PGM5: variants seen among roughly 807,000 people sequenced by gnomAD.
The protein encoded by PGM5 is phosphoglucomutase 5.
In PGM5, 23 loss-of-function variants were observed where a neutral mutation model predicts 59.2. The ratio of observed to expected loss-of-function variants is 0.39; its 90% confidence interval spans 0.28 to 0.55. The LOEUF (loss-of-function observed/expected upper bound fraction) is 0.55. Ranked by LOEUF, PGM5 falls within the 20% of genes least tolerant of loss-of-function variation. PGM5 has a pLI of 0.66. For missense variants in PGM5, 574 were observed against 748.3 expected (o/e 0.77, Z 2.72); for synonymous variants, 214 against 286.0 (o/e 0.75, Z 2.54).
chr9:68,378,596 C>T (rs1433351502), intron 2 of PGM5, among the ~76,000 whole-genome samples: 2 of 152,002 alleles, frequency 1.3e-5, no homozygotes, highest in African/African-American at 4.8e-5. Flanking sequence ...ATAGTTGATG[C>T]TTATCTGATA....
At chr9:68,408,449 A>T (rs1202612580) in intron 6 of PGM5, among the ~76,000 whole-genome samples, 6 of 152,094 alleles carry the variant, frequency 3.9e-5, no homozygotes, top group African/African-American at 1.4e-4. Context: ...AATTTGTTTG[A>T]GTTCATTGTA....
chr9:68,442,592 T>A (rs1823547004), intron 6 of PGM5, among the ~76,000 whole-genome samples: 1 of 152,220 alleles, frequency 6.6e-6, no homozygotes, highest in African/African-American at 2.4e-5. Flanking sequence ...GCAGAGATAA[T>A]GAAGCAGAAT....
At chr9:68,361,685 AG>A (rs1465931571) in intron 1 of PGM5, among the ~76,000 whole-genome samples, 1 of 152,176 alleles carries the variant, frequency 6.6e-6, no homozygotes, top group Non-Finnish European at 1.5e-5. Flanking sequence ...TCCAATCATG[AG>A]GGCTCTGTCC....
At chr9:68,465,056 AT>A (rs1210222237) in intron 6 of PGM5, 36 bp from the exon 7 acceptor site, 5 of 1,320,922 alleles carry the variant, frequency 3.8e-6, no homozygotes, top group Non-Finnish European at 4.4e-6. Context: ...AGAAAATGAA[AT>A]ATATGAATTG....
chr9:68,365,746 T>G (rs1210340388), intron 1 of PGM5, among the ~76,000 whole-genome samples: 1 of 152,196 alleles, frequency 6.6e-6, no homozygotes, highest in Non-Finnish European at 1.5e-5. Context: ...AACATCCTGG[T>G]TTTTAGCTAT....
intron 9 of PGM5, among the ~76,000 whole-genome samples, chr9:68,493,879 G>C (rs1348470226): frequency 2.0e-5 from 3 of 152,214 alleles, no homozygotes; most frequent in African/African-American, 7.2e-5. Flanking sequence ...TTTGTGTGGA[G>C]ATAGCTGCAT....
Position 68,499,326 on chromosome 9 carries a change from G to C in PGM5, c.1579G>C (p.Glu527Gln), listed in dbSNP as rs782176488. Reference protein sequence around the residue: ...ATLRLYAESYERDPSGHDQEP... With the variant: ...ATLRLYAESYQRDPSGHDQEP... ...CCTCAGACTGTACGCAGAGAGCTAC[G>C]AGAGGGATCCCAGCGGCCATGACCA... The change falls in exon 10 of 11, where the codon GAG (glutamate) becomes CAG (glutamine). Residue 527 changes from glutamate to glutamine, a missense_variant. By Grantham distance (29) the Glu-to-Gln change is conservative. Around this residue, in one of 7 missense-constraint regions of PGM5, gnomAD observed 300 missense variants for 280.0 expected, o/e 1.07. Coordinates refer to ENST00000396396, the MANE Select transcript of PGM5 (RefSeq NM_021965.4). 6 of 1,614,124 alleles carry C rather than the reference G, an allele frequency of 3.7e-6. No homozygotes were observed. Among genetic ancestry groups the C allele is most frequent in the Non-Finnish European group, 4.2e-6 (5 of 1,179,998 alleles).
chr9:68,465,230 T>C (rs1823914719), intron 7 of PGM5, 22 bp downstream of exon 7: 5 of 1,464,124 alleles, frequency 3.4e-6, no homozygotes, highest in Non-Finnish European at 4.8e-6. Flanking sequence ...TGGGTTGATA[T>C]TACTGGGGAG....
intron 6 of PGM5, among the ~76,000 whole-genome samples, chr9:68,438,474 C>T (rs1393378586): frequency 6.6e-6 from 1 of 152,000 alleles, no homozygotes; most frequent in Non-Finnish European, 1.5e-5. Flanking sequence ...ATTAGGTCTA[C>T]AGTGGAGTCA....
At chr9:68,468,373 C>T (rs1187167468) in intron 7 of PGM5, among the ~76,000 whole-genome samples, 1 of 152,136 alleles carries the variant, frequency 6.6e-6, no homozygotes, top group African/African-American at 2.4e-5. Flanking sequence ...AATCTAGCAA[C>T]TGGAATGAAA....
At chr9:68,404,178 G>A (rs777072014) in intron 6 of PGM5, among the ~76,000 whole-genome samples, 26 of 152,168 alleles carry the variant, frequency 1.7e-4, no homozygotes, top group Non-Finnish European at 3.7e-4. Flanking sequence ...CCAGGCTGGA[G>A]TGCAGTGGTG....
intron 6 of PGM5, among the ~76,000 whole-genome samples, chr9:68,419,409 A>G (rs1360774841): frequency 2.0e-5 from 3 of 152,102 alleles, no homozygotes; most frequent in African/African-American, 7.2e-5. Flanking sequence ...CTCCCCCTCC[A>G]TTTCCACCAG....
At chr9:68,401,630 G>A (rs1554680628) in intron 6 of PGM5, among the ~76,000 whole-genome samples, 1 of 151,438 alleles carries the variant, frequency 6.6e-6, no homozygotes, top group African/African-American at 2.4e-5. Context: ...GTGCCACCCA[G>A]TCTCGAACAT....
chr9:68,483,916 C>T lies in PGM5; in HGVS notation c.1347C>T (p.Asp449=). Reference sequence around the variant, plus strand: ...AGACGACATATTATATCATGAGGGACCTGGAGGCCCTGGTCACAGACAAAT... The same window carrying T: ...AGACGACATATTATATCATGAGGGATCTGGAGGCCCTGGTCACAGACAAAT... The part of the protein sequence containing the change: ...DPKTTYYIMR[D]LEALVTDKSF... Residue 449 remains aspartate (D), a synonymous_variant, in exon 9 of 11, where the codon GAC becomes GAT. Coordinates refer to ENST00000396396, the MANE Select transcript of PGM5 (RefSeq NM_021965.4). The T allele has an allele frequency of 6.2e-7, 1 of 1,614,138 alleles. No homozygotes were observed. Among genetic ancestry groups the T allele is most frequent in the Non-Finnish European group, 8.5e-7 (1 of 1,180,010 alleles).
chr9:68,372,866 G>T (rs1348310742), intron 1 of PGM5, among the ~76,000 whole-genome samples: 19 of 152,072 alleles, frequency 1.2e-4, no homozygotes, highest in Admixed American at 3.3e-4. Context: ...TTTTAAACAA[G>T]CAGATCTCAT....
intron 2 of PGM5, among the ~76,000 whole-genome samples, chr9:68,380,581 A>T (rs1396829017): frequency 6.6e-6 from 1 of 151,926 alleles, no homozygotes; most frequent in Non-Finnish European, 1.5e-5. Context: ...AAAAGGAAGG[A>T]AATAATGAAG....
chr9:68,425,694 T>G (rs1004367735), intron 6 of PGM5, among the ~76,000 whole-genome samples: 5 of 152,192 alleles, frequency 3.3e-5, no homozygotes, highest in South Asian at 4.1e-4. Context: ...TCATTGTTTT[T>G]TTTCTTGGCA....
At position 68,413,360 on chromosome 9, in the gene PGM5, A is replaced by G. The variant is rs13285007; in HGVS notation, c.1043+20887A>G. ...GTGATGGTGACTCTCAATGGAGGGA[A>G]ATTCTCCCCAAGGGTTTCCCAAATA... On this transcript the variant is annotated intron_variant, in intron 6 of 10. Transcript: ENST00000396396. 5.3e-3 allele frequency among the ~76,000 whole-genome samples: 807 copies of G among 150,996 alleles called. 10 individuals carry two copies. The highest frequency in any genetic ancestry group is 0.019 in the African/African-American group (753 of 40,428).
chr9:68,463,449 C>A (rs1554685571), intron 6 of PGM5, among the ~76,000 whole-genome samples: 1 of 151,996 alleles, frequency 6.6e-6, no homozygotes, highest in Non-Finnish European at 1.5e-5. Context: ...CATTCCCTAG[C>A]CTGCTTTGAG....
Sources: gnomAD v4.1 joint callset for allele counts (sites outside exome capture counted in the v4.1 genomes callset) on GRCh38, gnomAD v4.1.1 for gene constraint, gnomAD v4.1.1 regional missense constraint, MANE v1.5 for transcripts, NCBI Gene and HGNC (gene_info 2026-07-23, HGNC 2026-07-21) for gene names.